Variants in DPP6 observed in about 807,000 individuals in gnomAD.
The protein encoded by DPP6 is dipeptidyl peptidase like 6.
DPP6 carries 69 observed loss-of-function variants against 122.6 expected under a neutral mutation model. The observed-to-expected ratio is 0.56, with a 90% CI of 0.46 to 0.69. The LOEUF (loss-of-function observed/expected upper bound fraction) is 0.69. Ranked by LOEUF, DPP6 falls within the 30% of genes least tolerant of loss-of-function variation. The probability of loss-of-function intolerance (pLI) is 0.00; values close to 1 mark genes in which losing one functional copy is unlikely to be tolerated. For missense variants in DPP6, 928 were observed against 1,116.9 expected, an observed-to-expected ratio of 0.83 and a Z score of 2.41; for synonymous variants, 418 against 433.1, an observed-to-expected ratio of 0.97 and a Z score of 0.43.
intron 1 of DPP6, among the ~76,000 whole-genome samples, chr7:154,259,148 A>G (rs73489329): frequency 0.049 from 7,437 of 152,252 alleles, 547 homozygotes; most frequent in African/African-American, 0.16. Flanking sequence ...TACAGACTCA[A>G]TTCCTGGGCT....
intron 5 of DPP6, among the ~76,000 whole-genome samples, chr7:154,567,763 T>A (rs936092896): frequency 6.6e-6 from 1 of 152,192 alleles, no homozygotes; most frequent in Non-Finnish European, 1.5e-5. Context: ...TTAATTCAGG[T>A]CAGAATGGCT....
chr7:154,190,586 A>C (rs1798569382), intron 1 of DPP6, among the ~76,000 whole-genome samples: 1 of 152,156 alleles, frequency 6.6e-6, no homozygotes, highest in South Asian at 2.1e-4. Context: ...ACTCAGCTGC[A>C]GTGTTGGTTT....
chr7:154,725,096 C>G (rs1162410153), intron 7 of DPP6, among the ~76,000 whole-genome samples: 1 of 152,064 alleles, frequency 6.6e-6, no homozygotes, highest in Admixed American at 6.5e-5. Flanking sequence ...CAGATTGTGA[C>G]TAGAATAAAG....
At chr7:153,855,071 C>A in the DPP6 span, among the ~76,000 whole-genome samples, 1 of 111,854 alleles carries the variant, frequency 8.9e-6, no homozygotes, top group Non-Finnish European at 1.8e-5. Flanking sequence ...GGGAATATCA[C>A]ACTCTGGGGA....
chr7:153,940,978 A>G (rs796367678), intron 1 of DPP6, among the ~76,000 whole-genome samples: 45 of 152,332 alleles, frequency 3.0e-4, no homozygotes, highest in Admixed American at 4.6e-4. Context: ...GAGAGGGCAC[A>G]GTCTGTTTTC....
At chr7:153,841,830 AAAG>A in the DPP6 span, among the ~76,000 whole-genome samples, 2 of 152,342 alleles carry the variant, frequency 1.3e-5, no homozygotes, top group East Asian at 1.9e-4. Flanking sequence ...ACTCCAAGAA[AAAG>A]AAGACTAGCA....
At chr7:154,031,282 A>G (rs1050397136) in intron 1 of DPP6, among the ~76,000 whole-genome samples, 19 of 149,056 alleles carry the variant, frequency 1.3e-4, no homozygotes, top group Admixed American at 6.0e-4. Context: ...TCCTCATGCC[A>G]AGAGGCCCTC....
chr7:153,933,217 A>ATT (rs532630309), intron 1 of DPP6, among the ~76,000 whole-genome samples: 1 of 150,600 alleles, frequency 6.6e-6, no homozygotes, highest in African/African-American at 2.4e-5. Flanking sequence ...GGTAAACAAG[A>ATT]TTTTTTTTTT....
At chr7:154,193,394 G>A (rs1282310718) in intron 1 of DPP6, among the ~76,000 whole-genome samples, 1 of 152,210 alleles carries the variant, frequency 6.6e-6, no homozygotes, top group Non-Finnish European at 1.5e-5. Context: ...GCAAGAGTGG[G>A]ATATCTGTTA....
chr7:153,875,101 G>T, the DPP6 span, among the ~76,000 whole-genome samples: 1 of 152,132 alleles, frequency 6.6e-6, no homozygotes, highest in South Asian at 2.1e-4. Context: ...AAGACAAGAG[G>T]AAGTCTAAAA....
At chr7:154,867,831 C>T (rs1021893200) in intron 17 of DPP6, among the ~76,000 whole-genome samples, 164 bp from the exon 18 acceptor site, 2 of 152,112 alleles carry the variant, frequency 1.3e-5, no homozygotes, top group African/African-American at 4.8e-5. Context: ...ATAACTTGAG[C>T]GTGTTTTTTA....
At chr7:153,887,818 C>A in intron 1 of DPP6, 1 of 1,454,990 alleles carries the variant, frequency 6.9e-7, no homozygotes, top group Non-Finnish European at 9.3e-7. Flanking sequence ...CCTTCTCAGT[C>A]CCGAACCTCC....
intron 1 of DPP6, among the ~76,000 whole-genome samples, chr7:154,309,640 G>A (rs957524126): frequency 1.3e-5 from 2 of 152,264 alleles, no homozygotes; most frequent in African/African-American, 2.4e-5. Flanking sequence ...TGACCATAAT[G>A]AGAGTTAAAT....
At chr7:153,768,338 A>G in the DPP6 span, among the ~76,000 whole-genome samples, 1 of 152,000 alleles carries the variant, frequency 6.6e-6, no homozygotes, top group Admixed American at 6.6e-5. Flanking sequence ...ATCTCACTTA[A>G]CCGTCTCAGT....
At chr7:154,071,836 G>C (rs1803140307) in intron 1 of DPP6, among the ~76,000 whole-genome samples, 1 of 152,168 alleles carries the variant, frequency 6.6e-6, no homozygotes. Context: ...AAGAGAGGGG[G>C]CTTTCTTCTT....
At chr7:154,500,050 G>A (rs1300990274) in intron 3 of DPP6, among the ~76,000 whole-genome samples, 1 of 152,170 alleles carries the variant, frequency 6.6e-6, no homozygotes, top group Non-Finnish European at 1.5e-5. Flanking sequence ...TGGGCGGACT[G>A]TCATCTACCA....
chr7:153,964,978 C>CCTTCCTTCCTTCCTTCCTT, intron 1 of DPP6, among the ~76,000 whole-genome samples: 1 of 71,226 alleles, frequency 1.4e-5, no homozygotes, highest in African/African-American at 9.8e-5. Flanking sequence ...CATTTCTTTT[C>CCTTCCTTCCTTCCTTCCTT]CCTTCCTTCC....
chr7:153,793,453 G>A, the DPP6 span, among the ~76,000 whole-genome samples: 24 of 138,702 alleles, frequency 1.7e-4, 1 homozygote, highest in African/African-American at 6.4e-4. Flanking sequence ...TCTGGCAGAA[G>A]AAATTTCTAA....
chr7:154,518,266 G>A (rs1326524257), intron 3 of DPP6, among the ~76,000 whole-genome samples: 1 of 152,162 alleles, frequency 6.6e-6, no homozygotes, highest in African/African-American at 2.4e-5. Context: ...TAGAACCTTT[G>A]TCGATGGCAT....
Sources: gnomAD v4.1 joint callset for allele counts (sites outside exome capture counted in the v4.1 genomes callset) on GRCh38, gnomAD v4.1.1 for gene constraint, MANE v1.5 for transcripts, NCBI Gene and HGNC (gene_info 2026-07-23, HGNC 2026-07-21) for gene names.